The following NCS1 variants were observed in gnomAD, a reference collection of about 807,000 sequenced individuals.
NCS1 encodes frequenin homolog.
In NCS1, 6 loss-of-function variants were observed where a neutral mutation model predicts 28.4. The observed-to-expected ratio is 0.21, with a 90% CI of 0.12 to 0.42. The LOEUF (loss-of-function observed/expected upper bound fraction) is 0.42. Ranked by LOEUF, NCS1 falls within the 10% of genes least tolerant of loss-of-function variation. NCS1 has a pLI of 1.00. For synonymous variants in NCS1, 86 were observed against 99.3 expected, an observed-to-expected ratio of 0.87 and a Z score of 0.79; for missense variants, 131 against 241.4, an observed-to-expected ratio of 0.54 and a Z score of 3.03.
intron 1 of NCS1, among the ~76,000 whole-genome samples, chr9:130,187,899 T>C (rs1406277613): frequency 6.6e-6 from 1 of 152,214 alleles, no homozygotes; most frequent in Non-Finnish European, 1.5e-5. Context: ...CCACACAGCT[T>C]TGTGTCTCCC....
intron 4 of NCS1, among the ~76,000 whole-genome samples, chr9:130,221,831 TAA>T (rs1486652594): frequency 9.3e-6 from 1 of 107,142 alleles, no homozygotes; most frequent in African/African-American, 3.5e-5. Context: ...TATGTATATA[TAA>T]ATATATATAC....
rs539506727 is a variant in NCS1 at position 130,181,726 on chromosome 9, G to A, written c.64+8999G>A. On this transcript the variant is annotated intron_variant, in intron 1 of 7. Coordinates refer to ENST00000372398, the MANE Select transcript of NCS1 (RefSeq NM_014286.4). This position sits in a 1 kb window ranked among gnomAD's most constrained non-coding sequence, Gnocchi z 5.0. ...TGTGCAGGTGAGCGTGAGCGGGCCC[G>A]GGTGCCTGGTGTGGGTGTTGCAGGC... is the stretch of plus-strand genomic sequence containing the variant. Among the ~76,000 whole-genome samples, 189 of 152,242 alleles carry A rather than the reference G, an allele frequency of 1.2e-3. No homozygotes were observed. The highest frequency in any genetic ancestry group is 4.4e-3 in the African/African-American group (182 of 41,558).
chr9:130,200,521 C>A (rs1477706432), intron 1 of NCS1: 5 of 1,535,020 alleles, frequency 3.3e-6, no homozygotes, highest in African/African-American at 1.4e-5. Flanking sequence ...TAGCTCCCCC[C>A]ACCCCCCCAC....
rs1292762782 is a variant in NCS1 at position 130,209,558 on chromosome 9, C to T, written c.90-8274C>T. ...CCAGTGCCGGTTGCGGGCGGGCATCCGGGACTGAGGGGGGCGAGGTGCTTG... is the reference window on the plus strand; with the variant it reads ...CCAGTGCCGGTTGCGGGCGGGCATCTGGGACTGAGGGGGGCGAGGTGCTTG... On this transcript the variant is annotated intron_variant, in intron 2 of 7. Coordinates refer to ENST00000372398, the MANE Select transcript of NCS1 (RefSeq NM_014286.4). This position sits in a 1 kb window ranked among gnomAD's most constrained non-coding sequence, Gnocchi z 4.4. Among the ~76,000 whole-genome samples the T allele has an allele frequency of 2.0e-5, 3 of 152,142 alleles. No homozygotes were observed. The highest frequency in any genetic ancestry group is 2.1e-4 in the South Asian group (1 of 4,826).
intron 7 of NCS1, among the ~76,000 whole-genome samples, chr9:130,227,137 T>C (rs1833427302): frequency 6.6e-6 from 1 of 152,144 alleles, no homozygotes; most frequent in Admixed American, 6.5e-5. Flanking sequence ...AGCAATTTCT[T>C]ATCCCCTCTC....
At chr9:130,206,242 C>G (rs150184508) in intron 2 of NCS1, among the ~76,000 whole-genome samples, 1 of 152,158 alleles carries the variant, frequency 6.6e-6, no homozygotes, top group Non-Finnish European at 1.5e-5. Context: ...TGCCTACTCA[C>G]GGGCTGGATT....
chr9:130,216,659 T>C (rs1338868721), intron 2 of NCS1, among the ~76,000 whole-genome samples: 8 of 148,378 alleles, frequency 5.4e-5, no homozygotes, highest in South Asian at 2.1e-4. Context: ...GAGGTTGCAG[T>C]GAGCCGTGAT....
At position 130,220,005 on chromosome 9, in the gene NCS1, T is replaced by C. The variant is rs1486451387; in HGVS notation, c.307+202T>C. Among the ~76,000 whole-genome samples, 7 of 152,354 alleles carry C rather than the reference T, an allele frequency of 4.6e-5. No individual in the cohort carries two copies. In the East Asian group the frequency reaches 1.2e-3, roughly 25 times the overall value. ...GGCCACGTAACTAGGCCAGGCTGAC[T>C]GTCCAGGGTTCAGAGAGCAGCGCAG... On this transcript the variant is annotated intron_variant, in intron 4 of 7. Transcript: ENST00000372398.
Position 130,215,341 on chromosome 9 carries a change from C to CTG in NCS1, c.90-2490_90-2489dup, listed in dbSNP as rs1833166768. 6.6e-6 allele frequency among the ~76,000 whole-genome samples: 1 copy of CTG among 152,148 alleles called. No individual in the cohort carries two copies. Among genetic ancestry groups the CTG allele is most frequent in the East Asian group, 1.9e-4 (1 of 5,178 alleles). The stretch of plus-strand genomic sequence containing the variant: ...ACGGGGGTGGCTGTGTCCCTTCCTC[C>CTG]TGCTGTGGGAAGGGACTTGAGATCC... On this transcript the variant is annotated intron_variant, in intron 2 of 7. Transcript: ENST00000372398. The surrounding 1 kb of genome is among the most constrained non-coding windows in gnomAD (Gnocchi z 4.2).
intron 1 of NCS1, among the ~76,000 whole-genome samples, chr9:130,178,713 G>A (rs1374770496): frequency 2.6e-5 from 4 of 152,056 alleles, no homozygotes; most frequent in African/African-American, 4.8e-5. Context: ...ATGGACTGGC[G>A]GGGAAGAGGG....
intron 7 of NCS1, among the ~76,000 whole-genome samples, chr9:130,230,344 C>G (rs1428240753): frequency 6.6e-6 from 1 of 151,968 alleles, no homozygotes; most frequent in Non-Finnish European, 1.5e-5. Context: ...GAGTGAGACT[C>G]TGTCTGAAAA....
At chr9:130,221,393 TATATATATATATATATATATAGAG>T (rs1352714911) in intron 4 of NCS1, among the ~76,000 whole-genome samples, 50 of 56,682 alleles carry the variant, frequency 8.8e-4, no homozygotes, top group South Asian at 1.7e-3. Context: ...TATATATATA[TATATATATATATATATATATAGAG>T]AGAGAGAGAG....
At chr9:130,218,099 G>A (rs1388724181) in intron 3 of NCS1, 129 bp downstream of exon 3, 17 of 1,163,592 alleles carry the variant, frequency 1.5e-5, no homozygotes, top group Non-Finnish European at 2.0e-5. Flanking sequence ...AGTGCATACT[G>A]ACATGCACAG....
chr9:130,175,415 C>T lies in NCS1; in HGVS notation c.64+2688C>T, dbSNP rs1180434795. Among the ~76,000 whole-genome samples, 1 of 152,158 alleles carries T rather than the reference C, an allele frequency of 6.6e-6. No homozygotes were observed. The highest frequency in any genetic ancestry group is 1.5e-5 in the Non-Finnish European group (1 of 68,028). On this transcript the variant is annotated intron_variant, in intron 1 of 7. Coordinates refer to ENST00000372398, the MANE Select transcript of NCS1 (RefSeq NM_014286.4). This position sits in a 1 kb window ranked among gnomAD's most constrained non-coding sequence, Gnocchi z 4.9. ...TGGTTGATTAATAAACATGAAGGTA[C>T]CTGGGCTGCCCTCCCGGATTTCCGA...
chr9:130,202,354 A>ACCCCCCCCCCCCCCCCCCCCG (rs1832961839), intron 2 of NCS1, among the ~76,000 whole-genome samples: 1 of 113,338 alleles, frequency 8.8e-6, no homozygotes, highest in Non-Finnish European at 1.8e-5. Flanking sequence ...CCTCCCCCCC[A>ACCCCCCCCCCCCCCCCCCCCG]CCCCCTGAAA....
chr9:130,203,569 C>T (rs1367079455), intron 2 of NCS1, among the ~76,000 whole-genome samples: 1 of 152,292 alleles, frequency 6.6e-6, no homozygotes. Flanking sequence ...CTGTCCCCCA[C>T]GCCCATTGCC....
Position 130,219,894 on chromosome 9 carries a change from C to A in NCS1, c.307+91C>A. ...CTCGGCCCTCACCAGGCAGGGGTGCCAGACACCCACTGCAGTGACCACAGA... is the reference window on the plus strand; with the variant it reads ...CTCGGCCCTCACCAGGCAGGGGTGCAAGACACCCACTGCAGTGACCACAGA... On this transcript the variant is annotated intron_variant, in intron 4 of 7. Transcript: ENST00000372398. This position sits in a 1 kb window ranked among gnomAD's most constrained non-coding sequence, Gnocchi z 5.7. 1 of 1,319,540 alleles carries A rather than the reference C, an allele frequency of 7.6e-7. No homozygotes were observed. The highest frequency in any genetic ancestry group is 1.1e-6 in the Non-Finnish European group (1 of 919,460). 81.7% of individuals were successfully genotyped at this position (1,319,540 alleles called of 1,614,324 possible). A position where few individuals can be genotyped will look rare whatever the true frequency, so the allele number is the denominator to read the frequency against.
intron 1 of NCS1, among the ~76,000 whole-genome samples, chr9:130,184,469 CACGGCTT>C (rs1832713659): frequency 2.6e-5 from 4 of 152,096 alleles, no homozygotes; most frequent in Admixed American, 2.6e-4. Flanking sequence ...CAGGGCCTGG[CACGGCTT>C]ATCCCAGGCT....
At chr9:130,230,099 C>G (rs1188837159) in intron 7 of NCS1, among the ~76,000 whole-genome samples, 1 of 152,196 alleles carries the variant, frequency 6.6e-6, no homozygotes, top group African/African-American at 2.4e-5. Flanking sequence ...GCCAGTAACC[C>G]CAGCACTTTG....
Sources: gnomAD v4.1 joint callset for allele counts (sites outside exome capture counted in the v4.1 genomes callset) on GRCh38, gnomAD v4.1.1 for gene constraint, Gnocchi (gnomAD v3.1) non-coding constraint, MANE v1.5 for transcripts, NCBI Gene and HGNC (gene_info 2026-07-23, HGNC 2026-07-21) for gene names.